Variants in TPD52 observed in about 807,000 individuals in gnomAD.
TPD52 encodes the protein prostate and colon associated protein.
Under a neutral mutation model 31.3 loss-of-function variants are expected in TPD52, and 17 were observed. That is an observed-to-expected ratio of 0.54 (90% CI 0.37 to 0.82). The LOEUF is 0.82. Among genes scored for constraint, TPD52 ranks in the 40% least tolerant of loss-of-function variants. The pLI is 0.00. For synonymous variants in TPD52, 83 were observed against 89.6 expected (o/e 0.93, Z 0.42); for missense variants, 212 against 240.1 (o/e 0.88, Z 0.77).
intron 1 of TPD52, among the ~76,000 whole-genome samples, chr8:80,169,940 A>G (rs1811964221): frequency 6.6e-6 from 1 of 152,186 alleles, no homozygotes; most frequent in Admixed American, 6.5e-5. Flanking sequence ...TTAGATAATA[A>G]TATGTATGTG....
intron 1 of TPD52, among the ~76,000 whole-genome samples, chr8:80,136,754 A>G (rs1809465053): frequency 6.6e-6 from 1 of 152,118 alleles, no homozygotes. Context: ...AAAGGCAAAA[A>G]ACTGAAATAA....
At chr8:80,034,055 C>A (rs1024052945), downstream of TPD52, among the ~76,000 whole-genome samples, 6 of 152,098 alleles carry the variant, frequency 3.9e-5, no homozygotes, top group African/African-American at 1.2e-4. Context: ...GCTGTCCACA[C>A]CAAGCTACCC....
intron 2 of TPD52, among the ~76,000 whole-genome samples, chr8:80,059,908 T>A (rs60781983): frequency 6.6e-6 from 1 of 151,168 alleles, no homozygotes; most frequent in Non-Finnish European, 1.5e-5. Context: ...TGGTGAAACC[T>A]CGTCTCTACT....
chr8:80,042,836 T>G (rs1810513100), intron 6 of TPD52, 168 bp from the exon 7 acceptor site: 2 of 536,852 alleles, frequency 3.7e-6, no homozygotes, highest in African/African-American at 1.9e-5. Flanking sequence ...TAATGTAAGA[T>G]TCTCAATTTC....
At chr8:80,073,765 A>G (rs1398503407) in intron 1 of TPD52, among the ~76,000 whole-genome samples, 1 of 152,188 alleles carries the variant, frequency 6.6e-6, no homozygotes, top group Non-Finnish European at 1.5e-5. Flanking sequence ...GTTTTTACCT[A>G]GAAAGGTTTT....
chr8:80,109,054 G>A (rs1280418175), intron 1 of TPD52, among the ~76,000 whole-genome samples: 1 of 152,202 alleles, frequency 6.6e-6, no homozygotes. Flanking sequence ...ATATTTGACA[G>A]TGTGCATAGA....
intron 1 of TPD52, among the ~76,000 whole-genome samples, chr8:80,072,107 G>A (rs1044927792): frequency 1.2e-4 from 18 of 152,240 alleles, no homozygotes; most frequent in African/African-American, 3.9e-4. Context: ...TCAAGAGATC[G>A]AGACCATCCT....
At chr8:80,118,819 G>A (rs1487958442) in intron 1 of TPD52, among the ~76,000 whole-genome samples, 1 of 152,062 alleles carries the variant, frequency 6.6e-6, no homozygotes, top group Non-Finnish European at 1.5e-5. Context: ...ACTCCTAACA[G>A]GTATGTAACA....
At chr8:80,059,423 C>T (rs1436920073) in intron 2 of TPD52, among the ~76,000 whole-genome samples, 1 of 149,254 alleles carries the variant, frequency 6.7e-6, no homozygotes, top group East Asian at 2.0e-4. Context: ...ACACCCAAAG[C>T]TAAGAGAAGG....
rs543791778 is a variant in TPD52 at position 80,061,256 on chromosome 8, C to T, written c.135+3222G>A. Among the ~76,000 whole-genome samples, 16 of 151,982 alleles carry T rather than the reference C, an allele frequency of 1.1e-4. No individual in the cohort carries two copies. In the East Asian group the frequency reaches 1.2e-3, roughly 11 times the overall value. The stretch of plus-strand genomic sequence containing the variant: ...GCACATTCGTGTAATCCCAGCTACT[C>T]GGGAGGCTGAGGCAGGACAATCGCT... On this transcript the variant is annotated intron_variant, in intron 2 of 7. Coordinates refer to ENST00000518937, the MANE Select transcript of TPD52 (RefSeq NM_001025253.3).
intron 1 of TPD52, among the ~76,000 whole-genome samples, chr8:80,148,976 T>A (rs899169420): frequency 6.6e-6 from 1 of 152,156 alleles, no homozygotes; most frequent in Non-Finnish European, 1.5e-5. Flanking sequence ...TTTAGCTGTA[T>A]CCATTAAAAA....
At chr8:80,099,014 C>A (rs975334482) in intron 1 of TPD52, among the ~76,000 whole-genome samples, 4 of 152,124 alleles carry the variant, frequency 2.6e-5, no homozygotes, top group Non-Finnish European at 5.9e-5. Context: ...GAGGTAAGTG[C>A]ACAATTTTGT....
intron 1 of TPD52, among the ~76,000 whole-genome samples, chr8:80,152,921 G>A (rs550278163): frequency 3.9e-5 from 6 of 152,240 alleles, no homozygotes; most frequent in African/African-American, 1.4e-4. Context: ...TTGACGGGGT[G>A]TGTGCTGGGG....
downstream of TPD52, among the ~76,000 whole-genome samples, chr8:80,034,385 T>C (rs1275161488): frequency 2.6e-5 from 4 of 152,016 alleles, no homozygotes; most frequent in Admixed American, 1.3e-4. Context: ...GGATCACCTA[T>C]TGCCGGCCCC....
chr8:80,081,978 T>C (rs565011858), intron 1 of TPD52, among the ~76,000 whole-genome samples: 2 of 152,280 alleles, frequency 1.3e-5, no homozygotes, highest in African/African-American at 4.8e-5. Flanking sequence ...CGGCTAATTT[T>C]TGTATTTTTA....
chr8:80,153,412 G>A (rs1436595712), intron 1 of TPD52, among the ~76,000 whole-genome samples: 1 of 152,136 alleles, frequency 6.6e-6, no homozygotes, highest in Non-Finnish European at 1.5e-5. Context: ...GCTGGACAGG[G>A]GTAAGCAGAA....
intron 1 of TPD52, among the ~76,000 whole-genome samples, chr8:80,116,568 AAAG>A (rs1319928422): frequency 6.6e-6 from 1 of 152,208 alleles, no homozygotes; most frequent in African/African-American, 2.4e-5. Context: ...CCAAATATTT[AAAG>A]AAGAATGAAT....
chr8:80,079,548 C>A (rs1814992424), intron 1 of TPD52, among the ~76,000 whole-genome samples: 1 of 152,148 alleles, frequency 6.6e-6, no homozygotes, highest in Non-Finnish European at 1.5e-5. Flanking sequence ...AAAATGTGAC[C>A]TGTTCTTCAT....
At chr8:80,065,934 ATTTT>A (rs33925188) in intron 1 of TPD52, among the ~76,000 whole-genome samples, 6 of 129,478 alleles carry the variant, frequency 4.6e-5, no homozygotes, top group Admixed American at 2.4e-4. Context: ...CTGGCAACAG[ATTTT>A]TTTTTTTTTT....
Sources: allele counts gnomAD v4.1 joint callset (sites outside exome capture counted in the v4.1 genomes callset), GRCh38; gene constraint gnomAD v4.1.1; transcripts MANE v1.5; gene names NCBI Gene and HGNC (gene_info 2026-07-23, HGNC 2026-07-21).